The following PRELID2 variants were observed in gnomAD, a reference collection of about 807,000 sequenced individuals.
The protein encoded by PRELID2 is PRELI domain containing 2.
Under a neutral mutation model 28.4 loss-of-function variants are expected in PRELID2, and 25 were observed. The observed-to-expected ratio is 0.88, with a 90% confidence interval of 0.64 to 1.23. The LOEUF (loss-of-function observed/expected upper bound fraction) is 1.23, where lower values mean the gene tolerates loss of function less well. PRELID2 is among the 50% of genes most tolerant of loss of function. PRELID2 has a pLI of 0.00. For synonymous variants in PRELID2, 76 were observed against 71.6 expected (o/e 1.06, Z -0.31); for missense variants, 201 against 214.4 (o/e 0.94, Z 0.39).
chr5:145,796,674 A>G (rs887764339), intron 4 of PRELID2, 127 bp from the exon 5 acceptor site: 76 of 452,814 alleles, frequency 1.7e-4, no homozygotes, highest in African/African-American at 1.3e-3. Flanking sequence ...TAATTCAATA[A>G]CTACCTATTA....
At chr5:145,750,912 A>G (rs1266595817) in intron 1 of PRELID2, among the ~76,000 whole-genome samples, 3 of 152,218 alleles carry the variant, frequency 2.0e-5, no homozygotes, top group Non-Finnish European at 4.4e-5. Context: ...GACTAATTAT[A>G]CCAATTCCCA....
intron 1 of PRELID2, among the ~76,000 whole-genome samples, chr5:145,658,247 T>A (rs1754429606): frequency 6.6e-6 from 1 of 152,152 alleles, no homozygotes; most frequent in Non-Finnish European, 1.5e-5. Context: ...AGCAAAACCA[T>A]AAGGCAGATC....
chr5:145,817,063 T>C (rs997753128), intron 4 of PRELID2, among the ~76,000 whole-genome samples: 1 of 150,908 alleles, frequency 6.6e-6, no homozygotes, highest in African/African-American at 2.4e-5. Flanking sequence ...CTGAGGCACA[T>C]GCCTGTAGTC....
intron 3 of PRELID2, chr5:145,819,561 T>G: frequency 1.7e-6 from 1 of 586,240 alleles, no homozygotes; most frequent in Non-Finnish European, 3.0e-6. Context: ...AATTAGAAAC[T>G]GAAGTTTTTC....
At chr5:145,677,045 A>G (rs1156560159) in intron 1 of PRELID2, among the ~76,000 whole-genome samples, 3 of 152,072 alleles carry the variant, frequency 2.0e-5, no homozygotes, top group African/African-American at 7.2e-5. Flanking sequence ...CAGCTGAGAA[A>G]ATTTTAACAC....
intron 5 of PRELID2, 44 bp from the exon 6 acceptor site, chr5:145,765,044 AC>A (rs1561582251): frequency 7.5e-7 from 1 of 1,331,748 alleles, no homozygotes; most frequent in Non-Finnish European, 1.1e-6. Context: ...TATTTCACAG[AC>A]AAGTACTTTT....
chr5:145,241,518 C>T, the PRELID2 span, among the ~76,000 whole-genome samples: 1 of 151,916 alleles, frequency 6.6e-6, no homozygotes, highest in African/African-American at 2.4e-5. Context: ...AATAGAATTG[C>T]CTATTGTTAT....
chr5:145,720,020 G>T (rs954936559), intron 1 of PRELID2, among the ~76,000 whole-genome samples: 1 of 151,648 alleles, frequency 6.6e-6, no homozygotes, highest in Admixed American at 6.6e-5. Context: ...AAATGAACAT[G>T]TGATAAGAGG....
chr5:145,410,823 C>G, the PRELID2 span, among the ~76,000 whole-genome samples: 5 of 152,040 alleles, frequency 3.3e-5, no homozygotes, highest in South Asian at 4.1e-4. Flanking sequence ...ACAGTCATAC[C>G]TTTTCAACCA....
At chr5:145,701,578 CCT>C (rs1444747577) in intron 1 of PRELID2, among the ~76,000 whole-genome samples, 1 of 152,096 alleles carries the variant, frequency 6.6e-6, no homozygotes, top group Non-Finnish European at 1.5e-5. Context: ...GATGTAATTC[CCT>C]GTGTCAAACC....
chr5:145,457,116 G>C, the PRELID2 span, among the ~76,000 whole-genome samples: 1 of 152,116 alleles, frequency 6.6e-6, no homozygotes, highest in Non-Finnish European at 1.5e-5. Context: ...GGGGTGCTGA[G>C]GGAAGGTGGG....
chr5:145,640,320 CA>C (rs534851857), intron 1 of PRELID2, among the ~76,000 whole-genome samples: 1 of 151,774 alleles, frequency 6.6e-6, no homozygotes, highest in Non-Finnish European at 1.5e-5. Context: ...TAAAAAAATA[CA>C]AAAAATTAGC....
At chr5:145,457,084 C>G in the PRELID2 span, among the ~76,000 whole-genome samples, 1 of 151,880 alleles carries the variant, frequency 6.6e-6, no homozygotes, top group South Asian at 2.1e-4. Context: ...CAGGGCAAAG[C>G]TTTTTTGGAA....
At chr5:145,412,481 A>T in the PRELID2 span, among the ~76,000 whole-genome samples, 1 of 152,176 alleles carries the variant, frequency 6.6e-6, no homozygotes, top group Non-Finnish European at 1.5e-5. Context: ...CATTGTTCAT[A>T]TCACTATAGC....
the PRELID2 span, among the ~76,000 whole-genome samples, chr5:145,326,972 A>G: frequency 5.4e-5 from 1 of 18,610 alleles, no homozygotes; most frequent in Non-Finnish European, 1.1e-4. Context: ...ATCCCAAAAG[A>G]CACAGTCACA....
chr5:145,414,783 T>A, the PRELID2 span, among the ~76,000 whole-genome samples: 1 of 152,214 alleles, frequency 6.6e-6, no homozygotes, highest in Non-Finnish European at 1.5e-5. Context: ...CTTGGGCATC[T>A]CAGCACTCAA....
chr5:145,299,821 C>A, the PRELID2 span, among the ~76,000 whole-genome samples: 1 of 152,018 alleles, frequency 6.6e-6, no homozygotes, highest in Non-Finnish European at 1.5e-5. Flanking sequence ...TCCTCATTAA[C>A]TAACTGGAAT....
intron 1 of PRELID2, among the ~76,000 whole-genome samples, chr5:145,719,955 T>C (rs1343615184): frequency 6.6e-6 from 1 of 151,302 alleles, no homozygotes; most frequent in Non-Finnish European, 1.5e-5. Flanking sequence ...AAAAAAGAAA[T>C]CTTCTCAGAA....
intron 1 of PRELID2, among the ~76,000 whole-genome samples, chr5:145,556,708 T>G (rs1752882627): frequency 6.6e-6 from 1 of 152,142 alleles, no homozygotes; most frequent in Non-Finnish European, 1.5e-5. Context: ...CCCAATGTGG[T>G]CTCACCTGAC....
Sources: gnomAD v4.1 joint callset for allele counts (sites outside exome capture counted in the v4.1 genomes callset) on GRCh38, gnomAD v4.1.1 for gene constraint, MANE v1.5 for transcripts, NCBI Gene and HGNC (gene_info 2026-07-23, HGNC 2026-07-21) for gene names.